Variants in DLC1 observed in about 807,000 individuals in gnomAD.
DLC1 encodes rho GTPase-activating protein 7.
In DLC1, 54 loss-of-function variants were observed where a neutral mutation model predicts 140.3. The observed-to-expected ratio is 0.38, with a 90% CI of 0.31 to 0.48. DLC1 has a LOEUF of 0.48. Among genes scored for constraint, DLC1 ranks in the 20% least tolerant of loss-of-function variants. The pLI, the probability that DLC1 is intolerant of heterozygous loss-of-function variation, is 0.96. For missense variants in DLC1, 2,536 were observed against 1,907.0 expected (o/e 1.33, Z -6.14); for synonymous variants, 986 against 728.1 (o/e 1.35, Z -5.70).
At position 13,169,748 on chromosome 8, in the gene DLC1, G is replaced by A. The variant is rs533776877; in HGVS notation, c.1349-54091C>T. The stretch of plus-strand genomic sequence containing the variant: ...ATTAAGAACATGGAAGAGAGCCTGA[G>A]CCCAGTGGCTCTAGTCTGTAATCCC... On this transcript the variant is annotated intron_variant, in intron 5 of 17. Coordinates refer to ENST00000276297, the MANE Select transcript of DLC1 (RefSeq NM_182643.3). 7.9e-5 allele frequency among the ~76,000 whole-genome samples: 12 copies of A among 152,310 alleles called. No homozygotes were observed. In the South Asian group the frequency reaches 2.1e-3, roughly 26 times the overall value.
intron 1 of DLC1, among the ~76,000 whole-genome samples, chr8:13,576,724 C>A (rs1380937862): frequency 6.6e-6 from 1 of 152,042 alleles, no homozygotes; most frequent in Non-Finnish European, 1.5e-5. Flanking sequence ...TGAATCTCCC[C>A]AGAGTAGGGT....
chr8:13,588,631 T>A (rs1805412404), intron 1 of DLC1, among the ~76,000 whole-genome samples: 1 of 152,052 alleles, frequency 6.6e-6, no homozygotes, highest in Admixed American at 6.6e-5. Flanking sequence ...TAGTCTTAAA[T>A]GAAAGTTCAA....
intron 4 of DLC1, among the ~76,000 whole-genome samples, chr8:13,372,138 A>C (rs1349054819): frequency 1.3e-5 from 2 of 148,538 alleles, no homozygotes; most frequent in African/African-American, 4.9e-5. Flanking sequence ...TTATTTCTTC[A>C]AAAAAAAGTG....
intron 5 of DLC1, among the ~76,000 whole-genome samples, chr8:13,268,676 C>T (rs1241278129): frequency 1.3e-5 from 2 of 152,046 alleles, no homozygotes; most frequent in Non-Finnish European, 2.9e-5. Context: ...AGCCACCTGG[C>T]CCAGCCTTGT....
At chr8:13,515,205 C>G (rs1397756835), upstream of DLC1, among the ~76,000 whole-genome samples, 3 of 152,202 alleles carry the variant, frequency 2.0e-5, no homozygotes, top group African/African-American at 7.2e-5. Flanking sequence ...TGCTTGCTCT[C>G]ATTTCAAAAG....
In DLC1 at chr8:13,106,028, C is replaced by T. The variant is rs150273679; in HGVS notation, c.1503-3175G>A. On this transcript the variant is annotated intron_variant, in intron 7 of 17. Transcript: ENST00000276297. ...TTTCCCATCCCCCTAAGGACCCTCC[C>T]AGGCTGGGCTCCACAGGAATGTGTC... 3.2e-4 allele frequency among the ~76,000 whole-genome samples: 49 copies of T among 152,342 alleles called. No homozygotes were observed. The East Asian group carries it at 8.1e-3, about 25-fold the overall frequency.
chr8:13,289,507 T>G (rs1323509387), intron 5 of DLC1, among the ~76,000 whole-genome samples: 1 of 152,148 alleles, frequency 6.6e-6, no homozygotes, highest in Non-Finnish European at 1.5e-5. Context: ...TTCAAATTTT[T>G]TTTTGTAGAG....
chr8:13,166,435 G>A (rs56140318), intron 5 of DLC1, among the ~76,000 whole-genome samples: 16,109 of 152,080 alleles, frequency 0.11, 1,107 homozygotes, highest in Non-Finnish European at 0.16. Context: ...CTGCCTCCCG[G>A]GTTCAAGCTA....
intron 5 of DLC1, among the ~76,000 whole-genome samples, chr8:13,279,280 A>G (rs2117417215): frequency 6.6e-6 from 1 of 152,320 alleles, no homozygotes; most frequent in South Asian, 2.1e-4. Context: ...CTAATCACCA[A>G]AGTGTTATAA....
chr8:13,411,791 AAAT>A, intron 2 of DLC1, among the ~76,000 whole-genome samples: 1 of 152,308 alleles, frequency 6.6e-6, no homozygotes, highest in African/African-American at 2.4e-5. Context: ...AAATACAGAA[AAAT>A]AATAAATTTT....
intron 1 of DLC1, among the ~76,000 whole-genome samples, chr8:13,533,440 T>C (rs1803167605): frequency 6.6e-6 from 1 of 152,180 alleles, no homozygotes; most frequent in African/African-American, 2.4e-5. Flanking sequence ...AGTTTTCTCA[T>C]CTTAAAATGA....
At chr8:13,369,994 C>T (rs1014068185) in intron 4 of DLC1, among the ~76,000 whole-genome samples, 3 of 151,222 alleles carry the variant, frequency 2.0e-5, no homozygotes, top group Non-Finnish European at 4.4e-5. Context: ...GGTCACTCCT[C>T]CTCGCTCACT....
At chr8:13,143,163 C>T (rs761512032) in intron 5 of DLC1, among the ~76,000 whole-genome samples, 1 of 151,820 alleles carries the variant, frequency 6.6e-6, no homozygotes, top group Non-Finnish European at 1.5e-5. Flanking sequence ...TCAGTTAGAA[C>T]ATACACATTT....
At chr8:13,345,040 GA>G (rs1834262493) in intron 4 of DLC1, among the ~76,000 whole-genome samples, 1 of 152,134 alleles carries the variant, frequency 6.6e-6, no homozygotes, top group Admixed American at 6.6e-5. Flanking sequence ...TAGTGAAGTA[GA>G]AAATGAATTT....
At chr8:13,126,914 C>A (rs924539230) in intron 5 of DLC1, among the ~76,000 whole-genome samples, 1 of 152,066 alleles carries the variant, frequency 6.6e-6, no homozygotes, top group East Asian at 1.9e-4. Flanking sequence ...AACTGCTCAC[C>A]CATATTTTCG....
intron 2 of DLC1, among the ~76,000 whole-genome samples, chr8:13,414,535 C>G (rs1837957354): frequency 6.6e-6 from 1 of 152,142 alleles, no homozygotes; most frequent in Non-Finnish European, 1.5e-5. Context: ...AATATTTGCA[C>G]TGTTTCTTTT....
intron 10 of DLC1, chr8:13,095,557 T>C: frequency 3.4e-6 from 1 of 292,702 alleles, no homozygotes; most frequent in Non-Finnish European, 6.5e-6. Context: ...GACAGGTCCG[T>C]TTCCTCAGTT....
intron 2 of DLC1, among the ~76,000 whole-genome samples, chr8:13,475,023 G>C (rs780627090): frequency 7.9e-5 from 12 of 152,022 alleles, no homozygotes; most frequent in Admixed American, 2.0e-4. Context: ...ATATTGCCCA[G>C]GCTGGTCTTG....
chr8:13,406,645 A>C (rs1837576557), intron 2 of DLC1, among the ~76,000 whole-genome samples: 1 of 152,094 alleles, frequency 6.6e-6, no homozygotes, highest in African/African-American at 2.4e-5. Flanking sequence ...AATCCTCGGT[A>C]ATTATGTTTA....
Sources: gnomAD v4.1 joint callset for allele counts (sites outside exome capture counted in the v4.1 genomes callset) on GRCh38, gnomAD v4.1.1 for gene constraint, MANE v1.5 for transcripts, NCBI Gene and HGNC (gene_info 2026-07-23, HGNC 2026-07-21) for gene names.